The following GLYR1 variants were observed in gnomAD, a reference collection of about 807,000 sequenced individuals.
GLYR1 encodes the protein cytokine-like nuclear factor N-PAC.
In GLYR1, 21 loss-of-function variants were observed where a neutral mutation model predicts 72.7. The observed-to-expected ratio is 0.29, with a 90% confidence interval of 0.20 to 0.42. GLYR1 has a LOEUF of 0.42. Ranked by LOEUF, GLYR1 falls within the 10% of genes least tolerant of loss-of-function variation. GLYR1 has a pLI of 1.00. For missense variants in GLYR1, 594 were observed against 712.1 expected (o/e 0.83, Z 1.89); for synonymous variants, 392 against 270.2 (o/e 1.45, Z -4.42).
chr16:4,821,947 G>T (rs2084058242), intron 7 of GLYR1, among the ~76,000 whole-genome samples: 1 of 152,218 alleles, frequency 6.6e-6, no homozygotes, highest in Admixed American at 6.5e-5. Flanking sequence ...TGCATCCGCA[G>T]GACTTGGAGA....
At chr16:4,829,221 C>T (rs941951758) in intron 5 of GLYR1, among the ~76,000 whole-genome samples, 2 of 152,086 alleles carry the variant, frequency 1.3e-5, no homozygotes, top group Non-Finnish European at 2.9e-5. Context: ...TGGCAGCCCA[C>T]AGAGATGTTT....
At chr16:4,845,392 A>G (rs1045451141) in intron 2 of GLYR1, among the ~76,000 whole-genome samples, 3 of 152,208 alleles carry the variant, frequency 2.0e-5, no homozygotes, top group Admixed American at 6.5e-5. Context: ...CCAATATTTA[A>G]CATGTAGCAC....
chr16:4,811,793 C>A lies in GLYR1; in HGVS notation c.1292G>T (p.Gly431Val). 2 of 1,612,696 alleles carry A rather than the reference C, an allele frequency of 1.2e-6. No individual in the cohort carries two copies. Among genetic ancestry groups the A allele is most frequent in the Non-Finnish European group, 1.7e-6 (2 of 1,179,218 alleles). The part of the protein sequence containing the change: ...GKTSFFLGEV[G>V]NAAKMMLIVN... Reference sequence around the variant, plus strand: ...GATCAGCATCATCTTGGCTGCATTGCCCACTTCACCTGCCCAGGGTAAAGA... The same window carrying A: ...GATCAGCATCATCTTGGCTGCATTGACCACTTCACCTGCCCAGGGTAAAGA... Residue 431 changes from glycine (G) to valine (V), a missense_variant, in exon 14 of 16, where the codon GGC becomes GTC. Physicochemically the swap from Gly to Val is moderately radical, Grantham distance 109. Around this residue, in one of 5 missense-constraint regions of GLYR1, gnomAD observed 266 missense variants for 358.4 expected, o/e 0.74. Coordinates refer to ENST00000321919, the MANE Select transcript of GLYR1 (RefSeq NM_032569.4).
chr16:4,823,017 C>T, intron 6 of GLYR1, 86 bp from the exon 7 acceptor site: 2 of 1,049,300 alleles, frequency 1.9e-6, no homozygotes, highest in Non-Finnish European at 3.0e-6. Flanking sequence ...TCTCCTCTGG[C>T]TGCAACACCT....
intron 3 of GLYR1, among the ~76,000 whole-genome samples, chr16:4,835,509 C>A (rs1449135450): frequency 6.6e-6 from 1 of 152,152 alleles, no homozygotes; most frequent in Non-Finnish European, 1.5e-5. Flanking sequence ...GCTGGAGAAG[C>A]ATCCTGTTAC....
intron 1 of GLYR1, 97 bp downstream of exon 1, chr16:4,847,131 A>G: frequency 8.8e-7 from 1 of 1,133,472 alleles, no homozygotes; most frequent in Non-Finnish European, 1.3e-6. Context: ...CGCGACCTGG[A>G]GCGCATAAAA....
At chr16:4,817,895 C>A in intron 9 of GLYR1, 198 bp from the exon 10 acceptor site, 1 of 563,266 alleles carries the variant, frequency 1.8e-6, no homozygotes, top group South Asian at 2.1e-5. Flanking sequence ...TGGTCTAAAG[C>A]TGTCCCAGGA....
chr16:4,837,241 G>C lies in GLYR1; in HGVS notation c.156-4329C>G, dbSNP rs1214285656. The stretch of plus-strand genomic sequence containing the variant: ...GAGGCCAGGAATTCGACACCAGCCT[G>C]GCCAACATGGCGAAACCCCATCTCT... On this transcript the variant is annotated intron_variant, in intron 3 of 15. Transcript: ENST00000321919. 1.1e-4 allele frequency among the ~76,000 whole-genome samples: 16 copies of C among 152,198 alleles called. No individual in the cohort carries two copies. In the East Asian group the frequency reaches 2.9e-3, roughly 28 times the overall value.
chr16:4,839,027 C>T (rs967384104), intron 3 of GLYR1, among the ~76,000 whole-genome samples: 1 of 152,180 alleles, frequency 6.6e-6, no homozygotes. Context: ...GCTGAGACTA[C>T]AGGTACATGC....
chr16:4,843,424 G>C lies in GLYR1; in HGVS notation c.155+1650C>G. ...CCCACCTTGGCCTCCCAAAGTACTG[G>C]GATTGCAGGCCTGAGGCACCATGCC... is the stretch of plus-strand genomic sequence containing the variant. On this transcript the variant is annotated intron_variant, in intron 3 of 15. Coordinates refer to ENST00000321919, the MANE Select transcript of GLYR1 (RefSeq NM_032569.4). The C allele has an allele frequency of 4.2e-6, 5 of 1,181,284 alleles. No homozygotes were observed. The South Asian group carries it at 7.8e-5, about 19-fold the overall frequency. The allele number at this position is 1,181,284 out of a possible 1,614,324, so 73.2% of individuals were successfully genotyped here. A position where few individuals can be genotyped will look rare whatever the true frequency, so the allele number is the denominator to read the frequency against.
chr16:4,823,373 G>C (rs773805724), intron 6 of GLYR1, among the ~76,000 whole-genome samples: 16 of 152,202 alleles, frequency 1.1e-4, no homozygotes, highest in Non-Finnish European at 4.4e-5. Flanking sequence ...AAACAGAGTA[G>C]CCACGACAGT....
intron 15 of GLYR1, among the ~76,000 whole-genome samples, chr16:4,807,226 C>T (rs2083045082): frequency 6.6e-6 from 1 of 150,912 alleles, no homozygotes; most frequent in African/African-American, 2.4e-5. Context: ...ATTCTCCTGT[C>T]CCAGCCTCCG....
At chr16:4,822,789 TTTC>T in intron 7 of GLYR1, 83 bp downstream of exon 7, 1 of 1,177,608 alleles carries the variant, frequency 8.5e-7, no homozygotes, top group Non-Finnish European at 1.3e-6. Context: ...GAGCCTAACT[TTTC>T]AGATGGCCAG....
intron 15 of GLYR1, 142 bp downstream of exon 15, chr16:4,811,028 C>T: frequency 9.8e-7 from 1 of 1,021,626 alleles, no homozygotes. Flanking sequence ...TTGCTTGAAA[C>T]CAGGAGGCGG....
intron 3 of GLYR1, chr16:4,843,793 A>G: frequency 2.5e-6 from 1 of 398,960 alleles, no homozygotes; most frequent in Non-Finnish European, 3.8e-6. Flanking sequence ...TAGAAATACA[A>G]CTACTTAAAG....
intron 3 of GLYR1, among the ~76,000 whole-genome samples, 195 bp downstream of exon 3, chr16:4,844,879 G>A (rs963717185): frequency 6.6e-6 from 1 of 152,166 alleles, no homozygotes; most frequent in Admixed American, 6.5e-5. Context: ...CTTAGTTATA[G>A]ACCTAGGACA....
intron 3 of GLYR1, among the ~76,000 whole-genome samples, chr16:4,836,272 G>C (rs1045927272): frequency 6.6e-6 from 1 of 152,332 alleles, no homozygotes; most frequent in Non-Finnish European, 1.5e-5. Flanking sequence ...GCTCACCAGT[G>C]AGTTAAAAGG....
chr16:4,832,438 A>G, intron 4 of GLYR1: 1 of 621,050 alleles, frequency 1.6e-6, no homozygotes, highest in Non-Finnish European at 2.7e-6. Flanking sequence ...AAACTAGAAG[A>G]AAGGATTTAA....
intron 5 of GLYR1, among the ~76,000 whole-genome samples, chr16:4,826,813 T>G (rs1467728942): frequency 1.3e-5 from 2 of 152,240 alleles, no homozygotes; most frequent in Non-Finnish European, 2.9e-5. Flanking sequence ...TGGCCAATTG[T>G]GGCTGGGGCA....
Sources: allele counts gnomAD v4.1 joint callset (sites outside exome capture counted in the v4.1 genomes callset), GRCh38; gene constraint gnomAD v4.1.1; regional missense constraint gnomAD v4.1.1; transcripts MANE v1.5; gene names NCBI Gene and HGNC (gene_info 2026-07-23, HGNC 2026-07-21).